The following XKR4 variants were observed in gnomAD, a reference collection of about 807,000 sequenced individuals.
XKR4 encodes the protein XK-related protein 4.
Under a neutral mutation model 53.9 loss-of-function variants are expected in XKR4, and 12 were observed. The observed-to-expected ratio is 0.22, with a 90% CI of 0.14 to 0.36. The LOEUF (loss-of-function observed/expected upper bound fraction) is 0.36, where lower values mean the gene tolerates loss of function less well. XKR4 is among the 10% of genes least tolerant of loss of function. XKR4 has a pLI of 1.00. For synonymous variants in XKR4, 354 were observed against 362.4 expected (o/e 0.98, Z 0.26); for missense variants, 799 against 859.5 (o/e 0.93, Z 0.88).
chr8:55,431,591 C>A (rs1230310822), intron 2 of XKR4, among the ~76,000 whole-genome samples: 5 of 152,154 alleles, frequency 3.3e-5, no homozygotes, highest in Non-Finnish European at 7.4e-5. Flanking sequence ...GTTATCGCAG[C>A]CGATTCTTTG....
At chr8:55,349,828 C>A (rs1012142846) in intron 1 of XKR4, among the ~76,000 whole-genome samples, 1 of 152,102 alleles carries the variant, frequency 6.6e-6, no homozygotes, top group Non-Finnish European at 1.5e-5. Flanking sequence ...TTCTAGAGAA[C>A]AATTTTACAA....
At chr8:55,518,601 G>A (rs150340791) in intron 2 of XKR4, among the ~76,000 whole-genome samples, 1,912 of 152,336 alleles carry the variant, frequency 0.013, 22 homozygotes, top group Middle Eastern at 0.024. Context: ...GAAAGCAAAT[G>A]TTGTCACCTA....
chr8:55,482,046 G>T (rs1425790225), intron 2 of XKR4, among the ~76,000 whole-genome samples: 3 of 152,204 alleles, frequency 2.0e-5, no homozygotes, highest in African/African-American at 7.2e-5. Flanking sequence ...CCATTACTGA[G>T]TATATACCCA....
intron 2 of XKR4, chr8:55,454,151 A>G: frequency 1.1e-6 from 1 of 931,944 alleles, no homozygotes; most frequent in Non-Finnish European, 1.8e-6. Flanking sequence ...CTCCGGGTCC[A>G]GGACCATTCT....
Position 55,117,110 on chromosome 8 carries a change from G to GAAC in XKR4, c.806+13816_806+13817insAAC, listed in dbSNP as rs1816321092. 1.3e-5 allele frequency among the ~76,000 whole-genome samples: 2 copies of GAAC among 152,172 alleles called. 1 individual carries two copies. The highest frequency in any genetic ancestry group is 1.3e-4 in the Admixed American group (2 of 15,270). On this transcript the variant is annotated intron_variant, in intron 1 of 2. Coordinates refer to ENST00000327381, the MANE Select transcript of XKR4 (RefSeq NM_052898.2). ...ATGATAAAAGTTAATTTTACTGGTT[G>GAAC]TTTTTTACTTTATAAATATGGCTAC...
intron 2 of XKR4, among the ~76,000 whole-genome samples, chr8:55,429,809 T>G (rs1805073630): frequency 6.6e-6 from 1 of 151,944 alleles, no homozygotes; most frequent in African/African-American, 2.4e-5. Context: ...CTTTTAAACT[T>G]TTGCTCTGCA....
chr8:55,263,143 A>G (rs1157321282), intron 1 of XKR4, among the ~76,000 whole-genome samples: 1 of 152,144 alleles, frequency 6.6e-6, no homozygotes, highest in Non-Finnish European at 1.5e-5. Flanking sequence ...ATCATAACCC[A>G]GGAGTGATCT....
rs370076004 is a variant in XKR4, at chr8:55,516,862, G to T, written c.1007-6419G>T. 3.2e-4 allele frequency among the ~76,000 whole-genome samples: 49 copies of T among 152,158 alleles called. No homozygotes were observed. The South Asian group carries it at 0.01, about 32-fold the overall frequency. Reference sequence around the variant, plus strand: ...GCACTATACACAATAGCAAAAATATGGAGTCAGCCTAAGTGTCCATCAAAG... The same window carrying T: ...GCACTATACACAATAGCAAAAATATTGAGTCAGCCTAAGTGTCCATCAAAG... On this transcript the variant is annotated intron_variant, in intron 2 of 2. Transcript: ENST00000327381.
At chr8:55,257,357 A>C (rs1446969128) in intron 1 of XKR4, among the ~76,000 whole-genome samples, 3 of 152,128 alleles carry the variant, frequency 2.0e-5, no homozygotes, top group Non-Finnish European at 4.4e-5. Flanking sequence ...CTAAAGAGAA[A>C]GATGGAGGCA....
intron 1 of XKR4, among the ~76,000 whole-genome samples, chr8:55,165,004 G>A (rs1025779017): frequency 1.1e-4 from 16 of 152,260 alleles, no homozygotes; most frequent in African/African-American, 3.1e-4. Context: ...ATCAAAAGGC[G>A]AAATCTACAA....
chr8:55,203,848 G>A (rs745371853), intron 1 of XKR4, among the ~76,000 whole-genome samples: 9 of 152,118 alleles, frequency 5.9e-5, no homozygotes, highest in East Asian at 1.9e-4. Flanking sequence ...AAGCACTCAC[G>A]TAACTTTTGT....
intron 1 of XKR4, among the ~76,000 whole-genome samples, chr8:55,304,559 T>G (rs1819262655): frequency 6.6e-6 from 1 of 152,156 alleles, no homozygotes; most frequent in Admixed American, 6.5e-5. Flanking sequence ...CCTTGTTAAT[T>G]TTCTGTTTAG....
Position 55,252,544 on chromosome 8 carries a change from T to C in XKR4, c.807-105134T>C, listed in dbSNP as rs148191853. On this transcript the variant is annotated intron_variant, in intron 1 of 2. Coordinates refer to ENST00000327381, the MANE Select transcript of XKR4 (RefSeq NM_052898.2). The stretch of plus-strand genomic sequence containing the variant: ...CCGACCTTGATTCATTTGCCATAGA[T>C]GGGAAATTAGGAGTTGGTGCAAATA... Among the ~76,000 whole-genome samples, 628 of 152,256 alleles carry C rather than the reference T, an allele frequency of 4.1e-3. 9 individuals are homozygous for C. The highest frequency in any genetic ancestry group is 0.014 in the African/African-American group (583 of 41,544).
chr8:55,227,311 T>C (rs1464839215), intron 1 of XKR4, among the ~76,000 whole-genome samples: 1 of 152,192 alleles, frequency 6.6e-6, no homozygotes, highest in African/African-American at 2.4e-5. Flanking sequence ...CTTTACTTAG[T>C]CAACAGATAC....
At chr8:55,301,355 C>A (rs370449256) in intron 1 of XKR4, among the ~76,000 whole-genome samples, 3 of 151,992 alleles carry the variant, frequency 2.0e-5, no homozygotes, top group Admixed American at 1.3e-4. Flanking sequence ...ATAGTATTCC[C>A]TGGTGTATAT....
intron 2 of XKR4, among the ~76,000 whole-genome samples, chr8:55,504,442 T>A (rs1806494233): frequency 6.6e-6 from 1 of 152,046 alleles, no homozygotes; most frequent in Non-Finnish European, 1.5e-5. Flanking sequence ...CTCCAACTCC[T>A]GATCTCAGGC....
intron 1 of XKR4, among the ~76,000 whole-genome samples, chr8:55,285,937 A>G (rs2129374551): frequency 6.6e-6 from 1 of 152,336 alleles, no homozygotes; most frequent in South Asian, 2.1e-4. Context: ...CAGGACACTA[A>G]GAAGCAAATC....
At chr8:55,353,548 C>T (rs527573352) in intron 1 of XKR4, among the ~76,000 whole-genome samples, 18 of 152,266 alleles carry the variant, frequency 1.2e-4, no homozygotes, top group African/African-American at 4.1e-4. Flanking sequence ...TCTTCAGAAC[C>T]GTGAGATAAT....
intron 1 of XKR4, among the ~76,000 whole-genome samples, chr8:55,228,639 A>G (rs13249517): frequency 0.33 from 50,222 of 152,118 alleles, 10,032 homozygotes; most frequent in Middle Eastern, 0.45. Context: ...CACTTAAAAC[A>G]TGTAGCAATT....
Sources: allele counts gnomAD v4.1 joint callset (sites outside exome capture counted in the v4.1 genomes callset), GRCh38; gene constraint gnomAD v4.1.1; transcripts MANE v1.5; gene names NCBI Gene and HGNC (gene_info 2026-07-23, HGNC 2026-07-21).